Variants in GRID2 observed in about 807,000 individuals in gnomAD.
GRID2 encodes glutamate receptor ionotropic, delta-2.
Under a neutral mutation model 114.8 loss-of-function variants are expected in GRID2, and 33 were observed. The observed-to-expected ratio is 0.29, with a 90% CI of 0.22 to 0.38. The LOEUF is 0.38. GRID2 is among the 10% of genes least tolerant of loss of function. The pLI, the probability that GRID2 is intolerant of heterozygous loss-of-function variation, is 1.00. For missense variants in GRID2, 1,184 were observed against 1,257.7 expected (o/e 0.94, Z 0.89); for synonymous variants, 505 against 449.9 (o/e 1.12, Z -1.55).
intron 13 of GRID2, among the ~76,000 whole-genome samples, chr4:93,591,994 T>G (rs1386997400): frequency 6.6e-6 from 1 of 152,172 alleles, no homozygotes; most frequent in Non-Finnish European, 1.5e-5. Context: ...TTGTTGATCC[T>G]TTCAAAAAAC....
chr4:93,704,916 G>T (rs1452883810), intron 14 of GRID2, among the ~76,000 whole-genome samples: 1 of 152,140 alleles, frequency 6.6e-6, no homozygotes, highest in Non-Finnish European at 1.5e-5. Flanking sequence ...ATATACATAG[G>T]AGTGCAGACA....
chr4:93,386,629 G>C (rs766145634), intron 8 of GRID2, among the ~76,000 whole-genome samples: 6 of 152,084 alleles, frequency 3.9e-5, no homozygotes, highest in African/African-American at 4.8e-5. Context: ...CCTACAAATG[G>C]CACCACGCAA....
chr4:93,205,473 C>T (rs952267473), intron 4 of GRID2, among the ~76,000 whole-genome samples: 1 of 152,088 alleles, frequency 6.6e-6, no homozygotes, highest in Non-Finnish European at 1.5e-5. Context: ...CATGTCCCTA[C>T]AAAGGACATG....
At chr4:93,313,448 A>G (rs1756239616) in intron 8 of GRID2, among the ~76,000 whole-genome samples, 1 of 152,210 alleles carries the variant, frequency 6.6e-6, no homozygotes. Flanking sequence ...CTATACATCC[A>G]CAAGGATACT....
At chr4:92,578,566 A>T (rs1728017834) in intron 1 of GRID2, among the ~76,000 whole-genome samples, 1 of 152,046 alleles carries the variant, frequency 6.6e-6, no homozygotes, top group Admixed American at 6.6e-5. Flanking sequence ...CAACATAATT[A>T]AATAGAGAAT....
At chr4:93,380,623 T>C (rs915852520) in intron 8 of GRID2, among the ~76,000 whole-genome samples, 51 of 151,986 alleles carry the variant, frequency 3.4e-4, no homozygotes, top group African/African-American at 1.1e-3. Flanking sequence ...TTTTAAGATA[T>C]AAAAGAAAGT....
chr4:93,252,916 AT>A (rs913350060), intron 8 of GRID2, among the ~76,000 whole-genome samples: 3 of 152,082 alleles, frequency 2.0e-5, no homozygotes, highest in Non-Finnish European at 2.9e-5. Flanking sequence ...AGAATAAAAA[AT>A]TCTGAAGAAA....
chr4:93,198,278 C>T (rs975096429), intron 4 of GRID2, among the ~76,000 whole-genome samples: 2 of 152,068 alleles, frequency 1.3e-5, no homozygotes, highest in Non-Finnish European at 2.9e-5. Flanking sequence ...GTTTATTTGT[C>T]TCAGGTGGGA....
chr4:93,363,706 A>G (rs1762083839), intron 8 of GRID2, among the ~76,000 whole-genome samples: 2 of 152,088 alleles, frequency 1.3e-5, no homozygotes, highest in East Asian at 1.9e-4. Flanking sequence ...ACTTAAATTA[A>G]TATACCTTAA....
intron 14 of GRID2, among the ~76,000 whole-genome samples, chr4:93,750,160 G>T (rs895900252): frequency 6.6e-6 from 1 of 152,076 alleles, no homozygotes; most frequent in Non-Finnish European, 1.5e-5. Flanking sequence ...ACCATTACCT[G>T]GCCTAAGGAG....
At chr4:92,501,664 A>T (rs1339239488) in intron 1 of GRID2, among the ~76,000 whole-genome samples, 3 of 152,152 alleles carry the variant, frequency 2.0e-5, no homozygotes, top group Admixed American at 6.6e-5. Flanking sequence ...AGCAGCCTCC[A>T]GCCTTACCCT....
chr4:92,833,744 C>G (rs1327122835), intron 2 of GRID2: 1 of 152,152 alleles, frequency 6.6e-6, no homozygotes, highest in Non-Finnish European at 1.5e-5. Flanking sequence ...TTTTCAAAAT[C>G]TTGGATGTTA....
At chr4:93,805,718 T>C (rs965523605) in intron 1 of GRID2, among the ~76,000 whole-genome samples, 16 of 152,218 alleles carry the variant, frequency 1.1e-4, no homozygotes, top group African/African-American at 3.9e-4. Context: ...TGCTGTTGAT[T>C]TACAGTTTTT....
At chr4:93,152,874 A>G (rs1169829505) in intron 4 of GRID2, among the ~76,000 whole-genome samples, 1 of 152,140 alleles carries the variant, frequency 6.6e-6, no homozygotes, top group Admixed American at 6.6e-5. Flanking sequence ...GTTTAAAAAA[A>G]TCCTGATGAA....
chr4:93,289,864 G>A (rs186269009), intron 8 of GRID2, among the ~76,000 whole-genome samples: 22 of 152,118 alleles, frequency 1.4e-4, no homozygotes, highest in Non-Finnish European at 2.6e-4. Context: ...CAAAATGTTC[G>A]TATGTTAAAA....
At chr4:93,263,746 G>T (rs1044747812) in intron 8 of GRID2, among the ~76,000 whole-genome samples, 1 of 151,840 alleles carries the variant, frequency 6.6e-6, no homozygotes, top group Non-Finnish European at 1.5e-5. Flanking sequence ...GGTTAGAGTG[G>T]GTAATTTGAA....
intron 8 of GRID2, among the ~76,000 whole-genome samples, chr4:93,294,504 A>C (rs2149154339): frequency 6.6e-6 from 1 of 152,302 alleles, no homozygotes; most frequent in Admixed American, 6.5e-5. Flanking sequence ...GGACAGAAGA[A>C]AAAACATCTA....
chr4:92,526,827 T>G (rs1268235226), intron 1 of GRID2, among the ~76,000 whole-genome samples: 1 of 152,054 alleles, frequency 6.6e-6, no homozygotes, highest in Admixed American at 6.6e-5. Flanking sequence ...GGAGGAAATG[T>G]GAAATATATT....
chr4:92,633,807 G>T (rs1730926794), intron 2 of GRID2, among the ~76,000 whole-genome samples: 1 of 150,790 alleles, frequency 6.6e-6, no homozygotes, highest in Non-Finnish European at 1.5e-5. Context: ...CTTAACTAAA[G>T]GTGCTCTAAA....
Sources: allele counts gnomAD v4.1 joint callset (sites outside exome capture counted in the v4.1 genomes callset), GRCh38; gene constraint gnomAD v4.1.1; transcripts MANE v1.5; gene names NCBI Gene and HGNC (gene_info 2026-07-23, HGNC 2026-07-21).